The following CASZ1 variants were observed in gnomAD, a reference collection of about 807,000 sequenced individuals.
CASZ1 encodes castor zinc finger 1.
CASZ1 carries 28 observed loss-of-function variants against 135.2 expected under a neutral mutation model. The ratio of observed to expected loss-of-function variants is 0.21; its 90% CI spans 0.15 to 0.28. The LOEUF (loss-of-function observed/expected upper bound fraction) is 0.28, where lower values mean the gene tolerates loss of function less well. Ranked by LOEUF, CASZ1 falls within the 10% of genes least tolerant of loss-of-function variation. The pLI is 1.00. For missense variants in CASZ1, 2,161 were observed against 2,453.3 expected (o/e 0.88, Z 2.52); for synonymous variants, 1,068 against 1,073.4 (o/e 0.99, Z 0.10).
rs1214677195 is a variant in CASZ1, at chr1:10,774,160, G to A, written c.-233-13303C>T. 6.6e-6 allele frequency among the ~76,000 whole-genome samples: 1 copy of A among 152,088 alleles called. No homozygotes were observed. The highest frequency in any genetic ancestry group is 2.4e-5 in the African/African-American group (1 of 41,418). ...TCTTTTCCCATTTCCGTCTGCTTGT[G>A]GATGTAATTAGAGTTTTGGGTGGAA... On this transcript the variant is annotated intron_variant, in intron 1 of 20. Transcript: ENST00000377022. The surrounding 1 kb of genome is among the most constrained non-coding windows in gnomAD (Gnocchi z 4.4).
intron 2 of CASZ1, among the ~76,000 whole-genome samples, chr1:10,728,923 G>A (rs927743134): frequency 7.2e-5 from 11 of 152,196 alleles, no homozygotes; most frequent in African/African-American, 2.7e-4. Flanking sequence ...AGCTGGGATG[G>A]GAAAGTTGGG....
At chr1:10,737,872 A>G (rs1268022285) in intron 2 of CASZ1, among the ~76,000 whole-genome samples, 2 of 152,202 alleles carry the variant, frequency 1.3e-5, no homozygotes, top group African/African-American at 4.8e-5. Context: ...CATCTCGGGA[A>G]GGCTGGGCAC....
chr1:10,655,828 C>A lies in CASZ1; in HGVS notation c.1501-15G>T. On this transcript the variant is annotated splice_polypyrimidine_tract_variant and intron_variant, in intron 8 of 20. Transcript: ENST00000377022. ...CTCGTGAACCTCTGCCAGGAGACAG[C>A]GCCACGTGGGCAGGAGCCTGAGCTC... The A allele has an allele frequency of 6.2e-7, 1 of 1,610,756 alleles. No homozygotes were observed. Among genetic ancestry groups the A allele is most frequent in the Non-Finnish European group, 8.5e-7 (1 of 1,177,370 alleles).
In CASZ1 at chr1:10,759,574, G is replaced by C. The variant is rs1267454487; in HGVS notation, c.-77+1127C>G. 6.6e-6 allele frequency among the ~76,000 whole-genome samples: 1 copy of C among 152,162 alleles called. No individual in the cohort carries two copies. The highest frequency in any genetic ancestry group is 2.4e-5 in the African/African-American group (1 of 41,440). On this transcript the variant is annotated intron_variant, in intron 2 of 20. Transcript: ENST00000377022. This position sits in a 1 kb window ranked among gnomAD's most constrained non-coding sequence, Gnocchi z 4.2. ...CTGTATCCAGAGCTAGTTCCCTGAG[G>C]AGGCATGGCCTGGATTCAGGCAGGT...
At position 10,757,189 on chromosome 1, in the gene CASZ1, C is replaced by T. The variant is rs1476347399; in HGVS notation, c.-77+3512G>A. Among the ~76,000 whole-genome samples the T allele has an allele frequency of 1.3e-5, 2 of 152,214 alleles. No homozygotes were observed. The highest frequency in any genetic ancestry group is 3.8e-4 in the East Asian group (2 of 5,202). On this transcript the variant is annotated intron_variant, in intron 2 of 20. Coordinates refer to ENST00000377022, the MANE Select transcript of CASZ1 (RefSeq NM_001079843.3). This position sits in a 1 kb window ranked among gnomAD's most constrained non-coding sequence, Gnocchi z 4.6. The stretch of plus-strand genomic sequence containing the variant: ...CCCTAATGCATGAGACGTTAACCCT[C>T]TCAAAGCCATGGGTCTTTCTTGGTA...
chr1:10,754,667 A>G (rs1640212981), intron 2 of CASZ1, among the ~76,000 whole-genome samples: 1 of 152,198 alleles, frequency 6.6e-6, no homozygotes, highest in South Asian at 2.1e-4. Flanking sequence ...CTGTGTCACC[A>G]GACCTCCTCC....
Position 10,649,180 on chromosome 1 carries a change from C to T in CASZ1, c.3048G>A (p.Lys1016=). 1 of 1,613,652 alleles carries T rather than the reference C, an allele frequency of 6.2e-7. No homozygotes were observed. Among genetic ancestry groups the T allele is most frequent in the Non-Finnish European group, 8.5e-7 (1 of 1,180,004 alleles). The part of the protein sequence containing the change: ...WKVYLRRFGT[K]DFCDGQCDFL... Reference sequence around the variant, plus strand: ...AGTCACACTGGCCGTCACAGAAGTCCTTTGTACCAAACCTAGCCAGAGGAG... The same window carrying T: ...AGTCACACTGGCCGTCACAGAAGTCTTTTGTACCAAACCTAGCCAGAGGAG... Residue 1016 remains lysine (K), a synonymous_variant, in exon 15 of 21, where the codon AAG becomes AAA. Transcript: ENST00000377022.
At chr1:10,655,961 G>T in intron 8 of CASZ1, 148 bp from the exon 9 acceptor site, 1 of 719,548 alleles carries the variant, frequency 1.4e-6, no homozygotes, top group East Asian at 2.6e-5. Flanking sequence ...GATTGTCCAA[G>T]GCCAGTGGCA....
At chr1:10,702,962 CAG>C (rs142859359) in intron 3 of CASZ1, among the ~76,000 whole-genome samples, 837 of 141,138 alleles carry the variant, frequency 5.9e-3, no homozygotes, top group Non-Finnish European at 5.3e-3. Flanking sequence ...GAGGGAGAGG[CAG>C]AGAGAGAGAG....
intron 4 of CASZ1, among the ~76,000 whole-genome samples, chr1:10,681,737 C>T (rs1402880501): frequency 1.3e-5 from 2 of 152,212 alleles, no homozygotes; most frequent in Non-Finnish European, 2.9e-5. Flanking sequence ...GTTAGGGTGG[C>T]GCTGGGCCCC....
At chr1:10,713,223 T>C (rs1639318443) in intron 2 of CASZ1, among the ~76,000 whole-genome samples, 1 of 152,222 alleles carries the variant, frequency 6.6e-6, no homozygotes, top group African/African-American at 2.4e-5. Context: ...GCTCATTACA[T>C]CCGGGGGGAT....
intron 4 of CASZ1, among the ~76,000 whole-genome samples, chr1:10,689,265 G>C (rs1286971776): frequency 6.6e-6 from 1 of 152,258 alleles, no homozygotes; most frequent in Admixed American, 6.5e-5. Context: ...CCCCTGCTCA[G>C]GCAGCGGGCA....
chr1:10,659,379 C>G (rs1357100224), intron 6 of CASZ1, among the ~76,000 whole-genome samples: 1 of 152,180 alleles, frequency 6.6e-6, no homozygotes, highest in Admixed American at 6.5e-5. Flanking sequence ...CACACTTGTG[C>G]CTGGGAGTGT....
chr1:10,693,324 C>A (rs546599699), intron 4 of CASZ1, among the ~76,000 whole-genome samples: 1 of 151,954 alleles, frequency 6.6e-6, no homozygotes, highest in South Asian at 2.1e-4. Flanking sequence ...CTTGATCATC[C>A]GACACAGCCT....
At chr1:10,787,727 T>A (rs776912) in intron 1 of CASZ1, among the ~76,000 whole-genome samples, 72,482 of 151,848 alleles carry the variant, frequency 0.48, 21,957 homozygotes, top group Non-Finnish European at 0.69. Context: ...GGCTTCCTTT[T>A]GGTAAATCTC....
chr1:10,694,037 C>T lies in CASZ1; in HGVS notation c.-23-125G>A, dbSNP rs1638854746. 8 of 821,972 alleles carry T rather than the reference C, an allele frequency of 9.7e-6. No individual in the cohort carries two copies. In the South Asian group the frequency reaches 1.3e-4, roughly 13 times the overall value. 50.9% of individuals were successfully genotyped at this position (821,972 alleles called of 1,614,324 possible). A position where few individuals can be genotyped will look rare whatever the true frequency, so the allele number is the denominator to read the frequency against. ...AGGAGCGGCCCGTCCCGGGCGGGCG[C>T]CGAGGCCGCGGCGGAGAAACTTTCT... is the stretch of plus-strand genomic sequence containing the variant. On this transcript the variant is annotated intron_variant, in intron 3 of 20. Transcript: ENST00000377022. The surrounding 1 kb of genome is among the most constrained non-coding windows in gnomAD (Gnocchi z 6.6).
chr1:10,680,090 T>G (rs1175324599), intron 4 of CASZ1, among the ~76,000 whole-genome samples: 1 of 152,058 alleles, frequency 6.6e-6, no homozygotes, highest in East Asian at 1.9e-4. Flanking sequence ...AGGGGAGTGA[T>G]GGCTTTATGC....
chr1:10,741,926 T>C lies in CASZ1; in HGVS notation c.-77+18775A>G, dbSNP rs1202614187. Among the ~76,000 whole-genome samples, 2 of 152,072 alleles carry C rather than the reference T, an allele frequency of 1.3e-5. No individual in the cohort carries two copies. Among genetic ancestry groups the C allele is most frequent in the African/African-American group, 4.8e-5 (2 of 41,394 alleles). ...GGAGAGATCTAGAACATTTTGGTGC[T>C]ATTCTGAGACCTAATGTGCCTAACC... On this transcript the variant is annotated intron_variant, in intron 2 of 20. Coordinates refer to ENST00000377022, the MANE Select transcript of CASZ1 (RefSeq NM_001079843.3). The surrounding 1 kb of genome is among the most constrained non-coding windows in gnomAD (Gnocchi z 5.0).
Position 10,638,912 on chromosome 1 carries a change from G to C in CASZ1, c.*30C>G, listed in dbSNP as rs1360578106. 5 of 962,416 alleles carry C rather than the reference G, an allele frequency of 5.2e-6. No homozygotes were observed. Among genetic ancestry groups the C allele is most frequent in the Non-Finnish European group, 6.1e-6 (5 of 823,756 alleles). 59.6% of individuals were successfully genotyped at this position (962,416 alleles called of 1,614,324 possible). A position where few individuals can be genotyped will look rare whatever the true frequency, so the allele number is the denominator to read the frequency against. On this transcript the variant is annotated 3_prime_UTR_variant, in exon 21 of 21. Transcript: ENST00000377022. This position sits in a 1 kb window ranked among gnomAD's most constrained non-coding sequence, Gnocchi z 5.9. ...GCGCCGCTCCCGAGGCCGAGGCCGA[G>C]GCCGCCGCCAGGGCCACCCGCGGGC...
Sources: gnomAD v4.1 joint callset for allele counts (sites outside exome capture counted in the v4.1 genomes callset) on GRCh38, gnomAD v4.1.1 for gene constraint, Gnocchi (gnomAD v3.1) non-coding constraint, MANE v1.5 for transcripts, NCBI Gene and HGNC (gene_info 2026-07-23, HGNC 2026-07-21) for gene names.